Variants in MCMDC2 observed in about 807,000 individuals in gnomAD.
MCMDC2 encodes the protein minichromosome maintenance domain-containing protein 2.
In MCMDC2, 54 loss-of-function variants were observed where a neutral mutation model predicts 75.8. The ratio of observed to expected loss-of-function variants is 0.71; its 90% CI spans 0.57 to 0.89. The LOEUF (loss-of-function observed/expected upper bound fraction) is 0.89, where lower values mean the gene tolerates loss of function less well. MCMDC2 is among the 40% of genes least tolerant of loss of function. MCMDC2 has a pLI of 0.00. For synonymous variants in MCMDC2, 249 were observed against 274.6 expected (o/e 0.91, Z 0.92); for missense variants, 656 against 780.4 (o/e 0.84, Z 1.90).
At chr8:66,914,229 G>A (rs1308396714) in intron 14 of MCMDC2, among the ~76,000 whole-genome samples, 1 of 143,272 alleles carries the variant, frequency 7.0e-6, no homozygotes, top group Non-Finnish European at 1.5e-5. Context: ...GCTGCAATGA[G>A]CCATGATCAT....
At chr8:66,913,428 T>C (rs906901627) in intron 14 of MCMDC2, among the ~76,000 whole-genome samples, 1 of 152,202 alleles carries the variant, frequency 6.6e-6, no homozygotes, top group African/African-American at 2.4e-5. Context: ...GTAAAGGTAA[T>C]TTGAGGTTAA....
chr8:66,916,925 A>G (rs1813345361), intron 14 of MCMDC2, among the ~76,000 whole-genome samples: 2 of 152,192 alleles, frequency 1.3e-5, no homozygotes, highest in South Asian at 4.1e-4. Flanking sequence ...CATGAAAATC[A>G]CTGAATGTCA....
rs533964470 is a variant in MCMDC2, at chr8:66,920,676, A to C, written c.*1507A>C. On this transcript the variant is annotated 3_prime_UTR_variant, in exon 15 of 15. Coordinates refer to ENST00000422365, the MANE Select transcript of MCMDC2 (RefSeq NM_173518.5). ...TTTATAAAACTAGGATCCTTTTACAATTGGAAAGTTTAAAAACTTTTTTTT... is the reference window on the plus strand; with the variant it reads ...TTTATAAAACTAGGATCCTTTTACACTTGGAAAGTTTAAAAACTTTTTTTT... The C allele has an allele frequency of 6.6e-6, 1 of 152,044 alleles. No homozygotes were observed. The highest frequency in any genetic ancestry group is 1.5e-5 in the Non-Finnish European group (1 of 68,028). The allele number at this position is 152,044 out of a possible 1,614,324, so 9.4% of individuals were successfully genotyped here.
intron 14 of MCMDC2, among the ~76,000 whole-genome samples, chr8:66,913,321 C>T (rs1265242563): frequency 6.6e-6 from 1 of 152,122 alleles, no homozygotes; most frequent in East Asian, 1.9e-4. Context: ...AAATAATTGA[C>T]GTGGCTTGCT....
chr8:66,914,830 A>G (rs1303229029), intron 14 of MCMDC2, among the ~76,000 whole-genome samples: 1 of 152,044 alleles, frequency 6.6e-6, no homozygotes, highest in Non-Finnish European at 1.5e-5. Context: ...AATTAGAGAT[A>G]CACGTTAGAT....
At chr8:66,876,853 C>A (rs1023561332) in intron 4 of MCMDC2, among the ~76,000 whole-genome samples, 2 of 152,106 alleles carry the variant, frequency 1.3e-5, no homozygotes, top group African/African-American at 2.4e-5. Context: ...CTCCGCCTCC[C>A]GTGTTCATGC....
chr8:66,902,711 A>AT (rs1554530727), intron 13 of MCMDC2, among the ~76,000 whole-genome samples: 307 of 67,792 alleles, frequency 4.5e-3, no homozygotes, highest in East Asian at 1.0e-2. Context: ...AAAAAAAAAA[A>AT]ATATATATAT....
rs181699978 is a variant in MCMDC2, at chr8:66,881,522, A to G, written c.835+548A>G. On this transcript the variant is annotated intron_variant, in intron 8 of 14. Coordinates refer to ENST00000422365, the MANE Select transcript of MCMDC2 (RefSeq NM_173518.5). ...GCCAAGATGGTGAAACCCCATCTCT[A>G]CTAAAAATACAAAAGTAGCTGGGCA... is the stretch of plus-strand genomic sequence containing the variant. Among the ~76,000 whole-genome samples, 2 of 152,302 alleles carry G rather than the reference A, an allele frequency of 1.3e-5. 1 individual carries two copies. The highest frequency in any genetic ancestry group is 2.9e-5 in the Non-Finnish European group (2 of 68,024).
chr8:66,920,080 A>C lies in MCMDC2; in HGVS notation c.*911A>C, dbSNP rs1035415727. 2.0e-5 allele frequency: 3 copies of C among 152,228 alleles called. No homozygotes were observed. Among genetic ancestry groups the C allele is most frequent in the African/African-American group, 7.2e-5 (3 of 41,460 alleles). 9.4% of individuals were successfully genotyped at this position (152,228 alleles called of 1,614,324 possible). A position where few individuals can be genotyped will look rare whatever the true frequency, so the allele number is the denominator to read the frequency against. On this transcript the variant is annotated 3_prime_UTR_variant, in exon 15 of 15. Coordinates refer to ENST00000422365, the MANE Select transcript of MCMDC2 (RefSeq NM_173518.5). ...TTTATTAACCAAGATGTTACCATGC[A>C]TCAATTCTTTCAAAACTGGTCCCTT...
chr8:66,896,000 T>C (rs1812334087), intron 10 of MCMDC2, among the ~76,000 whole-genome samples, 170 bp from the exon 11 acceptor site: 1 of 152,214 alleles, frequency 6.6e-6, no homozygotes, highest in African/African-American at 2.4e-5. Context: ...TTCAAATACA[T>C]ATTTTTTATG....
intron 14 of MCMDC2, among the ~76,000 whole-genome samples, chr8:66,905,838 C>CAAG (rs1812885532): frequency 1.3e-5 from 2 of 151,976 alleles, no homozygotes; most frequent in East Asian, 3.9e-4. Context: ...AAACCCGTCT[C>CAAG]TACTAAAAGT....
At chr8:66,903,355 T>A (rs192953050) in intron 13 of MCMDC2, among the ~76,000 whole-genome samples, 139 of 152,286 alleles carry the variant, frequency 9.1e-4, no homozygotes, top group Middle Eastern at 6.8e-3. Context: ...TTCTGCCAGT[T>A]CTTCATCTGT....
chr8:66,902,711 A>AAAAAAAAAAAAAAAATATATATATAT (rs1467425752), intron 13 of MCMDC2, among the ~76,000 whole-genome samples: 1 of 67,930 alleles, frequency 1.5e-5, no homozygotes, highest in African/African-American at 7.3e-5. Flanking sequence ...AAAAAAAAAA[A>AAAAAAAAAAAAAAAATATATATATAT]ATATATATAT....
At chr8:66,887,632 G>A (rs1811907506) in intron 9 of MCMDC2, among the ~76,000 whole-genome samples, 1 of 152,112 alleles carries the variant, frequency 6.6e-6, no homozygotes, top group Admixed American at 6.6e-5. Flanking sequence ...AAGCATTATA[G>A]TTTTAGTTTA....
chr8:66,896,501 G>A (rs562855657), intron 11 of MCMDC2, among the ~76,000 whole-genome samples, 165 bp downstream of exon 11: 4 of 152,038 alleles, frequency 2.6e-5, no homozygotes, highest in Non-Finnish European at 5.9e-5. Flanking sequence ...TTTTAACCAT[G>A]TAGATCAGAT....
chr8:66,896,612 C>G (rs887197718), intron 11 of MCMDC2, among the ~76,000 whole-genome samples, 168 bp from the exon 12 acceptor site: 1 of 151,872 alleles, frequency 6.6e-6, no homozygotes, highest in Non-Finnish European at 1.5e-5. Context: ...AAAAATCAAT[C>G]ACTAAAAAGT....
At chr8:66,888,152 C>T (rs1388126032) in intron 9 of MCMDC2, among the ~76,000 whole-genome samples, 1 of 152,200 alleles carries the variant, frequency 6.6e-6, no homozygotes, top group Non-Finnish European at 1.5e-5. Flanking sequence ...ACAATCATGA[C>T]TCACTGCAGC....
At chr8:66,922,340 G>C (rs1005658670), downstream of MCMDC2, 10 of 309,360 alleles carry the variant, frequency 3.2e-5, no homozygotes, top group African/African-American at 1.5e-4. Flanking sequence ...TAACGAAGCA[G>C]AAGTATTTTT....
chr8:66,887,766 T>C (rs1041078940), intron 9 of MCMDC2, among the ~76,000 whole-genome samples: 1 of 152,184 alleles, frequency 6.6e-6, no homozygotes, highest in African/African-American at 2.4e-5. Flanking sequence ...TTAATGTTTT[T>C]CCTATGCATT....
Sources: gnomAD v4.1 joint callset for allele counts (sites outside exome capture counted in the v4.1 genomes callset) on GRCh38, gnomAD v4.1.1 for gene constraint, MANE v1.5 for transcripts, NCBI Gene and HGNC (gene_info 2026-07-23, HGNC 2026-07-21) for gene names.